Variants in MTAP observed in about 807,000 individuals in gnomAD.
MTAP encodes the protein S-methyl-5'-thioadenosine phosphorylase.
A neutral mutation model predicts 33.6 loss-of-function variants in MTAP; 33 were observed. The observed-to-expected ratio is 0.98, with a 90% CI of 0.74 to 1.31. The LOEUF is 1.31. Among genes scored for constraint, MTAP ranks in the 40% most tolerant of loss-of-function variants. The probability of loss-of-function intolerance (pLI) is 0.00; values close to 1 mark genes in which losing one functional copy is unlikely to be tolerated. For missense variants in MTAP, 367 were observed against 360.0 expected (o/e 1.02, Z -0.16); for synonymous variants, 148 against 125.7 (o/e 1.18, Z -1.19).
exon 8 of MTAP, chr9:21,936,749 T>C (rs545332463): frequency 3.3e-5 from 5 of 152,318 alleles, no homozygotes; most frequent in African/African-American, 1.2e-4. Flanking sequence ...AAATTGAAGT[T>C]ACTAAGAGTT....
In MTAP at chr9:21,874,735, A is replaced by G. The variant is rs1825981311; in HGVS notation, c.147+19865A>G. On this transcript the variant is annotated intron_variant, in intron 1 of 1. Transcript: ENST00000577563. ...AATTATACTTTAAGTGCTGGGATAC[A>G]TGTGCAGAACATGCAGGTTTGTTAC... Among the ~76,000 whole-genome samples, 4 of 149,194 alleles carry G rather than the reference A, an allele frequency of 2.7e-5. No homozygotes were observed. The South Asian group carries it at 8.5e-4, about 32-fold the overall frequency.
chr9:21,896,919 GAC>G (rs900754014), intron 1 of MTAP, among the ~76,000 whole-genome samples: 15 of 152,136 alleles, frequency 9.9e-5, no homozygotes, highest in African/African-American at 3.6e-4. Flanking sequence ...GCCTGGCAGA[GAC>G]ACAACAAAAA....
chr9:21,872,142 A>G (rs1825946559), intron 1 of MTAP, among the ~76,000 whole-genome samples: 1 of 152,140 alleles, frequency 6.6e-6, no homozygotes, highest in Admixed American at 6.5e-5. Context: ...GCAAAACCTC[A>G]TCTCTACTAA....
At chr9:21,906,282 A>G (rs1244118316) in intron 1 of MTAP, among the ~76,000 whole-genome samples, 1 of 152,364 alleles carries the variant, frequency 6.6e-6, no homozygotes, top group Non-Finnish European at 1.5e-5. Flanking sequence ...AAAAGAAAAT[A>G]TGTATATATG....
At chr9:21,889,201 G>A (rs1818160524) in intron 1 of MTAP, among the ~76,000 whole-genome samples, 1 of 151,912 alleles carries the variant, frequency 6.6e-6, no homozygotes, top group Non-Finnish European at 1.5e-5. Flanking sequence ...GTCTTTGTCA[G>A]ATTGGGTTAA....
intron 1 of MTAP, among the ~76,000 whole-genome samples, chr9:21,878,384 G>A (rs1441390055): frequency 1.3e-5 from 2 of 151,880 alleles, no homozygotes; most frequent in African/African-American, 4.8e-5. Flanking sequence ...GTAATTTCTT[G>A]TTTTCTGTTA....
chr9:21,812,569 C>G (rs1031810980), intron 1 of MTAP, among the ~76,000 whole-genome samples: 4 of 152,220 alleles, frequency 2.6e-5, no homozygotes, highest in African/African-American at 9.6e-5. Flanking sequence ...TGAGGACTGA[C>G]GCTTCCTGCC....
At chr9:21,828,950 A>G (rs1563837343) in intron 4 of MTAP, among the ~76,000 whole-genome samples, 1 of 152,160 alleles carries the variant, frequency 6.6e-6, no homozygotes, top group Non-Finnish European at 1.5e-5. Context: ...TTGAGCACAT[A>G]TATCATTCAT....
At chr9:21,850,019 C>G (rs2118459408) in intron 5 of MTAP, among the ~76,000 whole-genome samples, 1 of 152,340 alleles carries the variant, frequency 6.6e-6, no homozygotes, top group Non-Finnish European at 1.5e-5. Flanking sequence ...TATATCAACT[C>G]TTCAGTTTTG....
chr9:21,882,258 C>T (rs1003111475), intron 1 of MTAP, among the ~76,000 whole-genome samples: 2 of 151,784 alleles, frequency 1.3e-5, no homozygotes, highest in African/African-American at 4.8e-5. Context: ...TTTTAAGGTT[C>T]GATAATATTT....
At chr9:21,870,046 AT>A (rs1406077488), downstream of MTAP, among the ~76,000 whole-genome samples, 2 of 152,128 alleles carry the variant, frequency 1.3e-5, no homozygotes, top group Admixed American at 6.5e-5. Context: ...ACATTAGAGT[AT>A]TTGGTTTGTG....
chr9:21,852,880 G>A (rs1041078341), intron 5 of MTAP, among the ~76,000 whole-genome samples: 1 of 152,140 alleles, frequency 6.6e-6, no homozygotes, highest in Non-Finnish European at 1.5e-5. Context: ...TTAGGCTGGT[G>A]ATCTAATATT....
intron 5 of MTAP, among the ~76,000 whole-genome samples, chr9:21,852,243 T>C (rs1825530776): frequency 2.6e-5 from 4 of 152,132 alleles, no homozygotes; most frequent in Admixed American, 2.6e-4. Context: ...GCGCAGTGGC[T>C]CATGCCTATA....
chr9:21,858,234 C>A (rs956966740), intron 6 of MTAP, among the ~76,000 whole-genome samples: 4 of 152,128 alleles, frequency 2.6e-5, no homozygotes, highest in African/African-American at 9.7e-5. Context: ...CGGCTGTGGA[C>A]ATGAAGAGAA....
At chr9:21,905,300 G>A (rs1202412742) in intron 1 of MTAP, among the ~76,000 whole-genome samples, 2 of 152,108 alleles carry the variant, frequency 1.3e-5, no homozygotes, top group East Asian at 1.9e-4. Flanking sequence ...GTGTCTTAGC[G>A]TCCAGTTGCC....
intron 4 of MTAP, among the ~76,000 whole-genome samples, chr9:21,822,293 T>G: frequency 6.6e-6 from 1 of 152,238 alleles, no homozygotes; most frequent in East Asian, 1.9e-4. Context: ...CTCTACACAC[T>G]GCTTTAAATG....
At position 21,862,283 on chromosome 9, in the gene MTAP, TC is replaced by T; in HGVS notation, c.*270del. On this transcript the variant is annotated 3_prime_UTR_variant, in exon 8 of 8. Coordinates refer to ENST00000644715, the MANE Select transcript of MTAP (RefSeq NM_002451.4). ...AGGGGGAAAAAAAAACCCACCATTC[TC>T]TTCTCCCCCTATTAAATTTGCAACA... The T allele has an allele frequency of 1.6e-6, 1 of 644,480 alleles. No individual in the cohort carries two copies. The allele number at this position is 644,480 out of a possible 1,614,324, so 39.9% of individuals were successfully genotyped here.
downstream of MTAP, chr9:21,935,657 T>G (rs1819030665): frequency 6.6e-6 from 1 of 152,202 alleles, no homozygotes; most frequent in South Asian, 2.1e-4. Flanking sequence ...TTTCTTTCTC[T>G]TCCTTTTGGT....
intron 1 of MTAP, among the ~76,000 whole-genome samples, chr9:21,809,506 G>C (rs886159915): frequency 1.9e-4 from 29 of 152,108 alleles, no homozygotes; most frequent in African/African-American, 6.5e-4. Flanking sequence ...GGGCACGGTG[G>C]CAGCCTCCTG....
Sources: gnomAD v4.1 joint callset for allele counts (sites outside exome capture counted in the v4.1 genomes callset) on GRCh38, gnomAD v4.1.1 for gene constraint, MANE v1.5 for transcripts, NCBI Gene and HGNC (gene_info 2026-07-23, HGNC 2026-07-21) for gene names.